Variants in PLOD2 observed in about 807,000 individuals in gnomAD.
PLOD2 encodes procollagen-lysine,2-oxoglutarate 5-dioxygenase 2, also known as lysine hydroxylase 2.
Under a neutral mutation model 101.0 loss-of-function variants are expected in PLOD2, and 65 were observed. That is an observed-to-expected ratio of 0.64 (90% CI 0.53 to 0.79). The LOEUF is 0.79. Among genes scored for constraint, PLOD2 ranks in the 30% least tolerant of loss-of-function variants. PLOD2 has a pLI of 0.00. For synonymous variants in PLOD2, 314 were observed against 302.9 expected (o/e 1.04, Z -0.38); for missense variants, 909 against 914.6 (o/e 0.99, Z 0.08).
At chr3:146,129,493 G>A (rs1187177475) in intron 1 of PLOD2, among the ~76,000 whole-genome samples, 1 of 152,034 alleles carries the variant, frequency 6.6e-6, no homozygotes, top group Non-Finnish European at 1.5e-5. Flanking sequence ...GTTTTGACTT[G>A]GTCAGTTACT....
At chr3:146,087,164 CA>C (rs1212755220) in intron 9 of PLOD2, among the ~76,000 whole-genome samples, 1 of 151,856 alleles carries the variant, frequency 6.6e-6, no homozygotes, top group African/African-American at 2.4e-5. Flanking sequence ...TACTGCTAGA[CA>C]AGTCTTTGTA....
At chr3:146,156,985 C>T (rs1420287457) in intron 1 of PLOD2, among the ~76,000 whole-genome samples, 1 of 152,200 alleles carries the variant, frequency 6.6e-6, no homozygotes, top group Admixed American at 6.5e-5. Flanking sequence ...TTGAGTAAAG[C>T]AGGTAAAGCG....
chr3:146,141,536 T>TC (rs1257155082), intron 1 of PLOD2, among the ~76,000 whole-genome samples: 2 of 152,072 alleles, frequency 1.3e-5, no homozygotes, highest in African/African-American at 4.8e-5. Context: ...CAAAGGGCTT[T>TC]CATCTTTATT....
chr3:146,091,154 C>T (rs1469393986), intron 8 of PLOD2, among the ~76,000 whole-genome samples: 1 of 151,648 alleles, frequency 6.6e-6, no homozygotes, highest in East Asian at 1.9e-4. Flanking sequence ...AGCAACATGC[C>T]TAGAATATAC....
chr3:146,070,175 T>C lies in PLOD2; in HGVS notation c.*542A>G, dbSNP rs1275845860. 1 of 152,092 alleles carries C rather than the reference T, an allele frequency of 6.6e-6. No homozygotes were observed. Among genetic ancestry groups the C allele is most frequent in the Non-Finnish European group, 1.5e-5 (1 of 68,046 alleles). 9.4% of individuals were successfully genotyped at this position (152,092 alleles called of 1,614,324 possible). The stretch of plus-strand genomic sequence containing the variant: ...TACCATTTTCTTGAGGAAAACGTTG[T>C]GTAATTCTTTGTGTGTTCCCTTAGT... On this transcript the variant is annotated 3_prime_UTR_variant, in exon 20 of 20. Coordinates refer to ENST00000282903, the MANE Select transcript of PLOD2 (RefSeq NM_182943.3).
chr3:146,075,946 C>T (rs1936317536), intron 15 of PLOD2: 1 of 150,890 alleles, frequency 6.6e-6, no homozygotes, highest in African/African-American at 2.4e-5. Context: ...TTTTTAAAAA[C>T]AATTTCAGCT....
chr3:146,109,040 T>C (rs1186392454), intron 4 of PLOD2, among the ~76,000 whole-genome samples: 2 of 152,114 alleles, frequency 1.3e-5, no homozygotes, highest in African/African-American at 4.8e-5. Context: ...AGAGAAGTGA[T>C]GGTGGGTAGC....
Position 146,071,030 on chromosome 3 carries a change from A to G in PLOD2, c.2121+12T>C. On this transcript the variant is annotated intron_variant, in intron 19 of 19. Transcript: ENST00000282903. ...CTTTTGAAAAATCTAAAAACACAAG[A>G]GTCATAATTACCTGAAAGTCTTCTC... is the stretch of plus-strand genomic sequence containing the variant. 6.3e-7 allele frequency: 1 copy of G among 1,598,852 alleles called. No individual in the cohort carries two copies.
In PLOD2 at chr3:146,131,498, T is replaced by G. The variant is rs140942615; in HGVS notation, c.110-7269A>C. Among the ~76,000 whole-genome samples the G allele has an allele frequency of 3.6e-3, 554 of 152,304 alleles. 7 individuals carry two copies. The highest frequency in any genetic ancestry group is 0.013 in the African/African-American group (542 of 41,562). On this transcript the variant is annotated intron_variant, in intron 1 of 19. Transcript: ENST00000282903. ...AGAGAGATATAAAAATGACTCCAAATGGATTCCAGAAAATAAGTATTTGGT... is the reference window on the plus strand; with the variant it reads ...AGAGAGATATAAAAATGACTCCAAAGGGATTCCAGAAAATAAGTATTTGGT...
intron 2 of PLOD2, among the ~76,000 whole-genome samples, chr3:146,122,825 T>C (rs897299461): frequency 2.6e-5 from 4 of 152,158 alleles, no homozygotes; most frequent in African/African-American, 7.2e-5. Flanking sequence ...TAACAGCATA[T>C]CATATATAAA....
chr3:146,111,518 C>A (rs964935624), intron 3 of PLOD2, among the ~76,000 whole-genome samples: 2 of 152,108 alleles, frequency 1.3e-5, no homozygotes, highest in African/African-American at 2.4e-5. Context: ...ACTCCTGGCA[C>A]ACTGTAAACA....
chr3:146,094,194 T>C (rs1434466060), intron 7 of PLOD2, among the ~76,000 whole-genome samples: 3 of 152,236 alleles, frequency 2.0e-5, no homozygotes, highest in Non-Finnish European at 2.9e-5. Context: ...TCATTTTCAT[T>C]GACAGAGAAA....
chr3:146,116,478 G>A (rs1287917260), intron 3 of PLOD2, among the ~76,000 whole-genome samples: 2 of 152,062 alleles, frequency 1.3e-5, no homozygotes, highest in East Asian at 3.9e-4. Context: ...TGATCATGGG[G>A]GATATTTTTG....
At chr3:146,094,090 T>C (rs1370472482) in intron 7 of PLOD2, among the ~76,000 whole-genome samples, 2 of 152,200 alleles carry the variant, frequency 1.3e-5, no homozygotes, top group South Asian at 2.1e-4. Flanking sequence ...AGGCTGTTTA[T>C]GCAGTTAGGC....
intron 1 of PLOD2, among the ~76,000 whole-genome samples, chr3:146,152,050 A>G (rs2032081012): frequency 6.6e-6 from 1 of 152,230 alleles, no homozygotes; most frequent in African/African-American, 2.4e-5. Flanking sequence ...TAGGTTTATA[A>G]AAGCATACAC....
intron 12 of PLOD2, among the ~76,000 whole-genome samples, chr3:146,080,966 A>G (rs1403693699): frequency 6.6e-6 from 1 of 151,682 alleles, no homozygotes; most frequent in Non-Finnish European, 1.5e-5. Context: ...TTTTTTTTCT[A>G]AATGTAAGGG....
At chr3:146,137,555 G>A (rs915024985) in intron 1 of PLOD2, among the ~76,000 whole-genome samples, 2 of 152,124 alleles carry the variant, frequency 1.3e-5, no homozygotes, top group Non-Finnish European at 2.9e-5. Flanking sequence ...GCCCCAACTG[G>A]ACCCTTAATC....
chr3:146,138,998 T>C (rs2031387959), intron 1 of PLOD2, among the ~76,000 whole-genome samples: 1 of 152,122 alleles, frequency 6.6e-6, no homozygotes, highest in Admixed American at 6.6e-5. Context: ...CATCTCATAA[T>C]CTGACTCAAG....
intron 3 of PLOD2, among the ~76,000 whole-genome samples, chr3:146,117,780 T>C (rs1379472765): frequency 6.6e-6 from 1 of 152,110 alleles, no homozygotes; most frequent in Non-Finnish European, 1.5e-5. Context: ...TAAAATTTTA[T>C]TATCTTTTCT....
Sources: allele counts gnomAD v4.1 joint callset (sites outside exome capture counted in the v4.1 genomes callset), GRCh38; gene constraint gnomAD v4.1.1; transcripts MANE v1.5; gene names NCBI Gene and HGNC (gene_info 2026-07-23, HGNC 2026-07-21).